DDX42: variants seen among roughly 807,000 people sequenced by gnomAD.
The protein encoded by DDX42 is ATP-dependent RNA helicase DDX42.
A neutral mutation model predicts 101.5 loss-of-function variants in DDX42; 22 were observed. That is an observed-to-expected ratio of 0.22 (90% CI 0.15 to 0.31). The LOEUF is 0.31. Ranked by LOEUF, DDX42 falls within the 10% of genes least tolerant of loss-of-function variation. The probability of loss-of-function intolerance (pLI) is 1.00; values close to 1 mark genes in which losing one functional copy is unlikely to be tolerated. For synonymous variants in DDX42, 402 were observed against 401.2 expected, an observed-to-expected ratio of 1.00 and a Z score of -0.02; for missense variants, 849 against 1,199.9, an observed-to-expected ratio of 0.71 and a Z score of 4.32.
At chr17:63,791,688 TAAAAG>T (rs1203674164) in intron 2 of DDX42, among the ~76,000 whole-genome samples, 3 of 152,170 alleles carry the variant, frequency 2.0e-5, no homozygotes, top group Non-Finnish European at 2.9e-5. Flanking sequence ...TTTTTGGTCT[TAAAAG>T]AATATCTCAA....
chr17:63,799,710 A>T (rs975209330), intron 5 of DDX42, 85 bp downstream of exon 5: 2 of 1,389,006 alleles, frequency 1.4e-6, no homozygotes, highest in Middle Eastern at 1.9e-4. Context: ...CTTCACTCAA[A>T]ATGGCCATTC....
In DDX42 at chr17:63,806,787, T is replaced by C. The variant is rs1259800216; in HGVS notation, c.846+133T>C. The C allele has an allele frequency of 6.5e-6, 6 of 929,628 alleles. No individual in the cohort carries two copies. The Admixed American group carries it at 1.2e-4, about 19-fold the overall frequency. The allele number at this position is 929,628 out of a possible 1,614,324, so 57.6% of individuals were successfully genotyped here. On this transcript the variant is annotated intron_variant, in intron 8 of 17. Transcript: ENST00000389924. ...TGATAAGGATAGAGGTATTTATCAC[T>C]CTTAAGAAGTCACTAAATGGCTGAC... is the stretch of plus-strand genomic sequence containing the variant.
chr17:63,798,578 A>G (rs915480479), intron 4 of DDX42, among the ~76,000 whole-genome samples: 1 of 152,230 alleles, frequency 6.6e-6, no homozygotes, highest in Non-Finnish European at 1.5e-5. Flanking sequence ...ACACAGGTGG[A>G]AAAATAATAT....
intron 6 of DDX42, among the ~76,000 whole-genome samples, chr17:63,803,911 A>G (rs896841097): frequency 1.3e-5 from 2 of 152,020 alleles, no homozygotes; most frequent in African/African-American, 4.8e-5. Context: ...CAGCCTCCCA[A>G]AGTGCTGGGA....
intron 13 of DDX42, 157 bp from the exon 14 acceptor site, chr17:63,811,775 G>C: frequency 1.2e-6 from 1 of 852,584 alleles, no homozygotes; most frequent in Non-Finnish European, 1.9e-6. Flanking sequence ...GGAAAGGAGA[G>C]GTGAGTTTTG....
At position 63,816,858 on chromosome 17, in the gene DDX42, AT is replaced by A. The variant is rs759909918; in HGVS notation, c.2014-3del. 1.2e-6 allele frequency: 2 copies of A among 1,608,234 alleles called. No individual in the cohort carries two copies. Among genetic ancestry groups the A allele is most frequent in the Middle Eastern group, 1.7e-4 (1 of 6,050 alleles). On this transcript the variant is annotated splice_polypyrimidine_tract_variant and intron_variant, in intron 16 of 17. Transcript: ENST00000389924. ...TTTTTTCATTCTCATAGATGTGTTTATTTTTTTAGGATCGAGGAAATAACAA... is the reference window on the plus strand; with the variant it reads ...TTTTTTCATTCTCATAGATGTGTTTATTTTTTAGGATCGAGGAAATAACAA...
intron 1 of DDX42, among the ~76,000 whole-genome samples, chr17:63,778,816 T>G (rs1279263317): frequency 6.6e-6 from 1 of 152,122 alleles, no homozygotes; most frequent in Non-Finnish European, 1.5e-5. Context: ...AATTTTTGTA[T>G]TTTTAGTAGA....
chr17:63,818,093 G>A lies in DDX42; in HGVS notation c.2512G>A (p.Gly838Ser), dbSNP rs777842984. 2 of 1,614,016 alleles carry A rather than the reference G, an allele frequency of 1.2e-6. No individual in the cohort carries two copies. The highest frequency in any genetic ancestry group is 1.7e-6 in the Non-Finnish European group (2 of 1,180,012). Reference sequence around the variant, plus strand: ...CGATAGTCCACGTCACGGAGATGGTGGTCGCCATGGAGATGGATACCGCCA... The same window carrying A: ...CGATAGTCCACGTCACGGAGATGGTAGTCGCCATGGAGATGGATACCGCCA... ...HSDSPRHGDG[G>S]RHGDGYRHPE... Residue 838 changes from glycine to serine, a missense_variant, in exon 18 of 18, where the codon GGT (glycine) becomes AGT (serine). By Grantham distance (56) the Gly-to-Ser change is moderately conservative (BLOSUM62 0). This residue lies in a region of DDX42 where 300 missense variants were observed against 304.9 expected (regional missense o/e 0.98). Transcript: ENST00000389924.
chr17:63,818,026 C>T lies in DDX42; in HGVS notation c.2445C>T (p.Gly815=). ...GAGAGAGATATACTGAGAACCGGGG[C>T]AGCAGCCGTCACAGTCACGGAGAGA... The part of the protein sequence containing the change: ...GKRERYTENR[G]SSRHSHGETG... Residue 815 remains glycine (G), a synonymous_variant, in exon 18 of 18, where the codon GGC becomes GGT. Coordinates refer to ENST00000389924, the MANE Select transcript of DDX42 (RefSeq NM_203499.3). The T allele has an allele frequency of 6.2e-7, 1 of 1,614,022 alleles. No individual in the cohort carries two copies. The highest frequency in any genetic ancestry group is 8.5e-7 in the Non-Finnish European group (1 of 1,180,026).
chr17:63,780,217 A>G (rs1050036445), intron 1 of DDX42, among the ~76,000 whole-genome samples: 9 of 152,066 alleles, frequency 5.9e-5, no homozygotes, highest in African/African-American at 1.4e-4. Flanking sequence ...AATCACTTCA[A>G]CCTGGGAGGC....
rs1277961770 is a variant in DDX42 at position 63,811,100 on chromosome 17, G to A, written c.1325G>A (p.Arg442Gln). The change falls in exon 13 of 18, where the codon CGG (arginine) becomes CAG (glutamine). Residue 442 changes from arginine to glutamine, a missense_variant. Coordinates refer to ENST00000389924, the MANE Select transcript of DDX42 (RefSeq NM_203499.3). ...RQTLLFSATF[R>Q]KKIEKLARDI... ...GCTCTCTTATTTAGTGCAACTTTTC[G>A]GAAGAAGATTGAAAAGTTGGCCAGA... The A allele has an allele frequency of 1.9e-6, 3 of 1,613,748 alleles. No homozygotes were observed. The highest frequency in any genetic ancestry group is 1.3e-5 in the African/African-American group (1 of 74,856).
intron 3 of DDX42, among the ~76,000 whole-genome samples, chr17:63,794,200 A>AT (rs1230048360): frequency 6.6e-6 from 1 of 152,102 alleles, no homozygotes; most frequent in Non-Finnish European, 1.5e-5. Flanking sequence ...CTACAGGTTA[A>AT]TTAGACCAAA....
chr17:63,800,735 C>G (rs1378389901), intron 6 of DDX42, 118 bp downstream of exon 6: 3 of 1,291,618 alleles, frequency 2.3e-6, no homozygotes, highest in African/African-American at 1.5e-5. Context: ...TGCATCTTGT[C>G]ATCTCTACTA....
At chr17:63,779,327 G>C (rs920990368) in intron 1 of DDX42, among the ~76,000 whole-genome samples, 3 of 152,068 alleles carry the variant, frequency 2.0e-5, no homozygotes, top group Non-Finnish European at 4.4e-5. Context: ...GCATTGGCAT[G>C]ATCTCGGCCC....
At chr17:63,799,022 C>G (rs1267180308) in intron 4 of DDX42, among the ~76,000 whole-genome samples, 3 of 152,172 alleles carry the variant, frequency 2.0e-5, no homozygotes, top group African/African-American at 4.8e-5. Flanking sequence ...CTGAGACATA[C>G]AGCAAGTGGT....
chr17:63,791,079 A>G (rs375186346), intron 2 of DDX42, among the ~76,000 whole-genome samples: 1 of 152,258 alleles, frequency 6.6e-6, no homozygotes, highest in Non-Finnish European at 1.5e-5. Flanking sequence ...AAGACTTGAA[A>G]TGCTTTAACT....
At chr17:63,776,048 T>C (rs2039417030) in intron 1 of DDX42, 1 of 152,220 alleles carries the variant, frequency 6.6e-6, no homozygotes, top group South Asian at 2.1e-4. Context: ...GACCTGTATA[T>C]AGTGTGTGAG....
At chr17:63,786,970 C>T (rs1401753721) in intron 1 of DDX42, 64 bp from the exon 2 acceptor site, 1 of 1,562,166 alleles carries the variant, frequency 6.4e-7, no homozygotes, top group African/African-American at 1.4e-5. Context: ...CCCACCGCGC[C>T]CGGCCCTTGG....
Position 63,774,243 on chromosome 17 carries a change from T to C in DDX42, c.-150T>C, listed in dbSNP as rs752630738. On this transcript the variant is annotated 5_prime_UTR_variant, in exon 1 of 18. Coordinates refer to ENST00000389924, the MANE Select transcript of DDX42 (RefSeq NM_203499.3). The stretch of plus-strand genomic sequence containing the variant: ...GCGGTGGCGGCGGCGGTGGTGGTGG[T>C]GGCGGCGGCGGCGGCGAAGGGGGCG... 1.5e-3 allele frequency: 373 copies of C among 244,318 alleles called. 15 individuals are homozygous for C. The highest frequency in any genetic ancestry group is 2.0e-3 in the Non-Finnish European group (264 of 132,886). The allele number at this position is 244,318 out of a possible 1,614,324, so 15.1% of individuals were successfully genotyped here. A position where few individuals can be genotyped will look rare whatever the true frequency, so the allele number is the denominator to read the frequency against.
Sources: gnomAD v4.1 joint callset for allele counts (sites outside exome capture counted in the v4.1 genomes callset) on GRCh38, gnomAD v4.1.1 for gene constraint, gnomAD v4.1.1 regional missense constraint, MANE v1.5 for transcripts, NCBI Gene and HGNC (gene_info 2026-07-23, HGNC 2026-07-21) for gene names.